Variants in SEMA5A observed in about 807,000 individuals in gnomAD.
SEMA5A encodes the protein semaphorin 5A.
In SEMA5A, 55 loss-of-function variants were observed where a neutral mutation model predicts 135.5. The observed-to-expected ratio is 0.41, with a 90% CI of 0.33 to 0.51. SEMA5A has a LOEUF of 0.51. SEMA5A is among the 20% of genes least tolerant of loss of function. The pLI, the probability that SEMA5A is intolerant of heterozygous loss-of-function variation, is 0.37. For synonymous variants in SEMA5A, 580 were observed against 546.5 expected, an observed-to-expected ratio of 1.06 and a Z score of -0.85; for missense variants, 1,290 against 1,419.9, an observed-to-expected ratio of 0.91 and a Z score of 1.47.
At chr5:9,303,281 TA>T (rs1266608439) in intron 5 of SEMA5A, among the ~76,000 whole-genome samples, 2 of 152,040 alleles carry the variant, frequency 1.3e-5, no homozygotes, top group Non-Finnish European at 1.5e-5. Flanking sequence ...CATGCCCGGC[TA>T]ATTTTTTGTA....
chr5:9,140,754 G>A (rs956508869), intron 12 of SEMA5A, among the ~76,000 whole-genome samples: 2 of 152,268 alleles, frequency 1.3e-5, no homozygotes, highest in African/African-American at 4.8e-5. Context: ...AAAGCATAGC[G>A]AGGCTACACT....
intron 5 of SEMA5A, among the ~76,000 whole-genome samples, chr5:9,310,052 G>A (rs759533755): frequency 3.3e-5 from 5 of 152,026 alleles, no homozygotes; most frequent in Non-Finnish European, 7.4e-5. Context: ...AAAAAATACT[G>A]AGTCATATTG....
intron 12 of SEMA5A, among the ~76,000 whole-genome samples, chr5:9,138,391 T>C (rs924292097): frequency 3.9e-5 from 6 of 152,162 alleles, no homozygotes; most frequent in Admixed American, 2.0e-4. Context: ...TAGGCAAATA[T>C]ATGTTTTATA....
At chr5:9,089,425 G>T (rs909082073) in intron 16 of SEMA5A, among the ~76,000 whole-genome samples, 2 of 152,166 alleles carry the variant, frequency 1.3e-5, no homozygotes, top group African/African-American at 4.8e-5. Context: ...AGTGCATCCA[G>T]TTGTGAGCCC....
At chr5:9,403,380 G>A (rs1756746064) in intron 2 of SEMA5A, among the ~76,000 whole-genome samples, 2 of 152,096 alleles carry the variant, frequency 1.3e-5, no homozygotes, top group Admixed American at 1.3e-4. Flanking sequence ...AGACAAATGA[G>A]GAAGCACAAG....
chr5:9,076,212 A>G (rs1372849442), intron 16 of SEMA5A, among the ~76,000 whole-genome samples: 2 of 151,866 alleles, frequency 1.3e-5, no homozygotes, highest in African/African-American at 4.8e-5. Context: ...TCAAAAAAAA[A>G]AAAAAAAAAA....
chr5:9,053,318 C>T, intron 19 of SEMA5A, among the ~76,000 whole-genome samples: 1 of 152,198 alleles, frequency 6.6e-6, no homozygotes, highest in East Asian at 1.9e-4. Flanking sequence ...GCTCCCTGCT[C>T]TCCACCCTGA....
intron 6 of SEMA5A, among the ~76,000 whole-genome samples, chr5:9,229,202 A>G (rs1343732893): frequency 1.3e-5 from 2 of 152,238 alleles, no homozygotes; most frequent in Admixed American, 6.5e-5. Flanking sequence ...AGGAAGATGG[A>G]AAACAACCAC....
At chr5:9,392,841 T>G (rs183947883) in intron 2 of SEMA5A, among the ~76,000 whole-genome samples, 1 of 152,236 alleles carries the variant, frequency 6.6e-6, no homozygotes, top group Non-Finnish European at 1.5e-5. Context: ...CCAAGATACC[T>G]TCTACTAAAT....
chr5:9,285,801 C>T lies in SEMA5A; in HGVS notation c.270+32571G>A, dbSNP rs138066375. ...GGGTGACCTCCTATAATGACCTTGA[C>T]CCAAATGTTCTGGTGATGGCTGCTT... On this transcript the variant is annotated intron_variant, in intron 5 of 22. Transcript: ENST00000382496. Among the ~76,000 whole-genome samples the T allele has an allele frequency of 5.6e-3, 853 of 152,328 alleles. 7 individuals carry two copies. The highest frequency in any genetic ancestry group is 0.014 in the Middle Eastern group (4 of 294).
intron 2 of SEMA5A, among the ~76,000 whole-genome samples, chr5:9,406,166 G>C (rs945778620): frequency 6.6e-6 from 1 of 152,214 alleles, no homozygotes; most frequent in Non-Finnish European, 1.5e-5. Flanking sequence ...GACTCCGCAT[G>C]CACAAGAGCA....
intron 2 of SEMA5A, among the ~76,000 whole-genome samples, chr5:9,402,759 A>C (rs1407221219): frequency 6.6e-6 from 1 of 152,222 alleles, no homozygotes; most frequent in African/African-American, 2.4e-5. Flanking sequence ...AACTGTATTA[A>C]GGGTCCACAA....
At chr5:9,258,461 C>T (rs1749203267) in intron 5 of SEMA5A, among the ~76,000 whole-genome samples, 1 of 152,190 alleles carries the variant, frequency 6.6e-6, no homozygotes, top group African/African-American at 2.4e-5. Context: ...TCTCCACTCG[C>T]AGGCTCAAAT....
At chr5:9,382,104 TG>T (rs1353221300) in intron 2 of SEMA5A, among the ~76,000 whole-genome samples, 1 of 151,992 alleles carries the variant, frequency 6.6e-6, no homozygotes, top group Non-Finnish European at 1.5e-5. Flanking sequence ...GAGACCAACC[TG>T]GGAAATATAA....
chr5:9,102,683 T>C (rs1739695434), intron 16 of SEMA5A, among the ~76,000 whole-genome samples: 1 of 152,216 alleles, frequency 6.6e-6, no homozygotes, highest in Admixed American at 6.5e-5. Flanking sequence ...TACAGTATGC[T>C]TTAAATATCA....
chr5:9,503,774 A>G (rs1388591229), intron 1 of SEMA5A, among the ~76,000 whole-genome samples: 1 of 152,222 alleles, frequency 6.6e-6, no homozygotes, highest in African/African-American at 2.4e-5. Context: ...TCTTAGGATG[A>G]AACAAAAATT....
At chr5:9,338,625 A>G (rs1753501534) in intron 3 of SEMA5A, among the ~76,000 whole-genome samples, 1 of 152,216 alleles carries the variant, frequency 6.6e-6, no homozygotes. Context: ...TATCATTATC[A>G]TTGACAATTA....
At position 9,122,863 on chromosome 5, in the gene SEMA5A, G is replaced by A. The variant is rs1284394661; in HGVS notation, c.1600-26C>T. 3 of 1,563,000 alleles carry A rather than the reference G, an allele frequency of 1.9e-6. No individual in the cohort carries two copies. The East Asian group carries it at 6.9e-5, about 36-fold the overall frequency. On this transcript the variant is annotated intron_variant, in intron 13 of 22. Coordinates refer to ENST00000382496, the MANE Select transcript of SEMA5A (RefSeq NM_003966.3). ...CTAGGAAGCAAAACCAAGCAGAGGT[G>A]TCAGAAAAGGTTAAAGCTGAACACA...
intron 1 of SEMA5A, among the ~76,000 whole-genome samples, chr5:9,447,080 A>T (rs1758460043): frequency 6.6e-6 from 1 of 152,244 alleles, no homozygotes; most frequent in African/African-American, 2.4e-5. Flanking sequence ...CAATTGGTTA[A>T]ATTGTTCAGA....
Sources: gnomAD v4.1 joint callset for allele counts (sites outside exome capture counted in the v4.1 genomes callset) on GRCh38, gnomAD v4.1.1 for gene constraint, MANE v1.5 for transcripts, NCBI Gene and HGNC (gene_info 2026-07-23, HGNC 2026-07-21) for gene names.